PIK3AP1: variants seen among roughly 807,000 people sequenced by gnomAD.
PIK3AP1 encodes phosphoinositide-3-kinase adaptor protein 1.
A neutral mutation model predicts 88.1 loss-of-function variants in PIK3AP1; 21 were observed. The ratio of observed to expected loss-of-function variants is 0.24; its 90% confidence interval spans 0.17 to 0.34. The LOEUF is 0.34. Among genes scored for constraint, PIK3AP1 ranks in the 10% least tolerant of loss-of-function variants. The pLI, the probability that PIK3AP1 is intolerant of heterozygous loss-of-function variation, is 1.00. For missense variants in PIK3AP1, 828 were observed against 1,035.7 expected, an observed-to-expected ratio of 0.80 and a Z score of 2.75; for synonymous variants, 398 against 400.0, an observed-to-expected ratio of 1.00 and a Z score of 0.06.
intron 16 of PIK3AP1, 93 bp from the exon 17 acceptor site, chr10:96,595,727 G>A (rs1564947271): frequency 1.6e-6 from 2 of 1,216,784 alleles, no homozygotes; most frequent in East Asian, 2.4e-5. Context: ...GGTATACTAT[G>A]CAAAGGACAC....
At chr10:96,628,795 T>A (rs867110497) in intron 8 of PIK3AP1, among the ~76,000 whole-genome samples, 39 of 150,682 alleles carry the variant, frequency 2.6e-4, no homozygotes, top group Admixed American at 4.0e-4. Context: ...CATTGTTTAT[T>A]ACAGAAAAAA....
Position 96,603,097 on chromosome 10 carries a change from G to GTC in PIK3AP1, c.2242-700_2242-699insGA, listed in dbSNP as rs1848932613. ...GCTCCTTCCCACAGATGCCCCTTAA[G>GTC]GTTTCACTAGTAAGAGTGGATTTCC... On this transcript the variant is annotated intron_variant, in intron 15 of 16. Transcript: ENST00000339364. 3.3e-5 allele frequency among the ~76,000 whole-genome samples: 5 copies of GTC among 152,194 alleles called. No individual in the cohort carries two copies. The South Asian group carries it at 8.3e-4, about 25-fold the overall frequency.
chr10:96,623,976 G>A (rs977078737), intron 10 of PIK3AP1, among the ~76,000 whole-genome samples: 1 of 152,196 alleles, frequency 6.6e-6, no homozygotes, highest in Non-Finnish European at 1.5e-5. Context: ...AGTCACTTAC[G>A]AGGGACAGAT....
intron 12 of PIK3AP1, among the ~76,000 whole-genome samples, chr10:96,619,109 A>G (rs1206329188): frequency 2.0e-5 from 3 of 152,268 alleles, no homozygotes; most frequent in African/African-American, 7.2e-5. Context: ...AGTTTTCTGT[A>G]GAACAGGAGG....
chr10:96,685,239 G>A (rs1844052868), intron 2 of PIK3AP1, among the ~76,000 whole-genome samples: 1 of 152,186 alleles, frequency 6.6e-6, no homozygotes, highest in African/African-American at 2.4e-5. Context: ...TGGTTTGGGA[G>A]TGGTCATTCC....
chr10:96,696,664 C>T (rs931104270), intron 2 of PIK3AP1, among the ~76,000 whole-genome samples: 4 of 152,170 alleles, frequency 2.6e-5, no homozygotes, highest in African/African-American at 7.2e-5. Context: ...AATCTTCATG[C>T]AGACCATAGT....
At chr10:96,657,657 T>TTG (rs10644854) in intron 2 of PIK3AP1, among the ~76,000 whole-genome samples, 48,215 of 149,492 alleles carry the variant, frequency 0.32, 7,624 homozygotes, top group East Asian at 0.42. Flanking sequence ...GTGTGCAAGA[T>TTG]TGTGTGTGTG....
chr10:96,681,255 C>T (rs973092230), intron 2 of PIK3AP1, among the ~76,000 whole-genome samples: 1 of 152,138 alleles, frequency 6.6e-6, no homozygotes, highest in Non-Finnish European at 1.5e-5. Context: ...ATCTATATGA[C>T]CTCATTTTAC....
intron 2 of PIK3AP1, among the ~76,000 whole-genome samples, chr10:96,678,556 C>A (rs1045033988): frequency 2.6e-5 from 4 of 152,120 alleles, no homozygotes; most frequent in African/African-American, 9.7e-5. Context: ...AGGCTTGAAC[C>A]ACTGTACCTG....
chr10:96,704,962 T>C (rs1393219502), intron 2 of PIK3AP1, among the ~76,000 whole-genome samples: 3 of 152,198 alleles, frequency 2.0e-5, no homozygotes, highest in Non-Finnish European at 4.4e-5. Flanking sequence ...ATCTTTAAGC[T>C]TTACTTTAAA....
At chr10:96,706,070 T>C (rs1844360216) in intron 2 of PIK3AP1, among the ~76,000 whole-genome samples, 1 of 151,802 alleles carries the variant, frequency 6.6e-6, no homozygotes, top group Admixed American at 6.6e-5. Context: ...ATTTTTTGTA[T>C]TTTTAGTAGA....
chr10:96,626,111 C>T lies in PIK3AP1; in HGVS notation c.1669+597G>A, dbSNP rs115377401. 7.5e-3 allele frequency among the ~76,000 whole-genome samples: 1,142 copies of T among 152,236 alleles called. 17 individuals carry two copies. Among genetic ancestry groups the T allele is most frequent in the African/African-American group, 0.025 (1,051 of 41,550 alleles). ...CAATCGAGTCGAAAAAATAGTGAAA[C>T]TAACAATGCTATCAGTATCTAACTA... On this transcript the variant is annotated intron_variant, in intron 10 of 16. Coordinates refer to ENST00000339364, the MANE Select transcript of PIK3AP1 (RefSeq NM_152309.3).
At chr10:96,683,102 G>A (rs1844024419) in intron 2 of PIK3AP1, among the ~76,000 whole-genome samples, 1 of 152,178 alleles carries the variant, frequency 6.6e-6, no homozygotes, top group Non-Finnish European at 1.5e-5. Flanking sequence ...GGTGCCCTGA[G>A]ATAACAACTG....
At chr10:96,626,028 A>G (rs2134206614) in intron 10 of PIK3AP1, among the ~76,000 whole-genome samples, 1 of 152,310 alleles carries the variant, frequency 6.6e-6, no homozygotes, top group South Asian at 2.1e-4. Flanking sequence ...GATTACAGGT[A>G]TGAGCCACCC....
At chr10:96,654,641 T>A (rs1843590061) in intron 3 of PIK3AP1, among the ~76,000 whole-genome samples, 2 of 151,888 alleles carry the variant, frequency 1.3e-5, no homozygotes, top group Non-Finnish European at 2.9e-5. Flanking sequence ...CCTTCCCCTC[T>A]CCCCAGGATC....
At chr10:96,670,723 A>T (rs563405945) in intron 2 of PIK3AP1, among the ~76,000 whole-genome samples, 1 of 152,208 alleles carries the variant, frequency 6.6e-6, no homozygotes, top group Non-Finnish European at 1.5e-5. Flanking sequence ...TAAAATACAG[A>T]TTGAAAATGC....
rs190471853 is a variant in PIK3AP1 at position 96,700,877 on chromosome 10, C to T, written c.430+8690G>A. 223 of 985,612 alleles carry T rather than the reference C, an allele frequency of 2.3e-4. No homozygotes were observed. The African/African-American group carries it at 3.7e-3, about 16-fold the overall frequency. The allele number at this position is 985,612 out of a possible 1,614,324, so 61.1% of individuals were successfully genotyped here. A position where few individuals can be genotyped will look rare whatever the true frequency, so the allele number is the denominator to read the frequency against. On this transcript the variant is annotated intron_variant, in intron 2 of 16. Transcript: ENST00000339364. ...TCAGAGGGTCTGACTCCCTTCTCTT[C>T]TCTCAGGGCTGCTGCCTGTGACGCG...
At chr10:96,710,104 G>A in intron 1 of PIK3AP1, 121 bp from the exon 2 acceptor site, 1 of 943,692 alleles carries the variant, frequency 1.1e-6, no homozygotes, top group East Asian at 2.6e-5. Flanking sequence ...TTCGTGGTGT[G>A]CCTCCAGCAC....
intron 6 of PIK3AP1, among the ~76,000 whole-genome samples, chr10:96,650,237 C>A (rs1313952261): frequency 6.6e-6 from 1 of 152,188 alleles, no homozygotes; most frequent in Non-Finnish European, 1.5e-5. Flanking sequence ...CCTCGAAAGT[C>A]ATGTAAACTC....
Sources: gnomAD v4.1 joint callset for allele counts (sites outside exome capture counted in the v4.1 genomes callset) on GRCh38, gnomAD v4.1.1 for gene constraint, MANE v1.5 for transcripts, NCBI Gene and HGNC (gene_info 2026-07-23, HGNC 2026-07-21) for gene names.